Variants in CA8 observed in about 807,000 individuals in gnomAD.
The protein encoded by CA8 is carbonic anhydrase 8 (inactive).
Under a neutral mutation model 41.4 loss-of-function variants are expected in CA8, and 22 were observed. That is an observed-to-expected ratio of 0.53 (90% confidence interval 0.38 to 0.76). The LOEUF (loss-of-function observed/expected upper bound fraction) is 0.76, where lower values mean the gene tolerates loss of function less well. Ranked by LOEUF, CA8 falls within the 30% of genes least tolerant of loss-of-function variation. The pLI, the probability that CA8 is intolerant of heterozygous loss-of-function variation, is 0.00. For missense variants in CA8, 270 were observed against 352.8 expected, an observed-to-expected ratio of 0.77 and a Z score of 1.88; for synonymous variants, 121 against 130.6, an observed-to-expected ratio of 0.93 and a Z score of 0.50.
chr8:60,217,665 C>T (rs901635804), intron 7 of CA8, among the ~76,000 whole-genome samples: 1 of 152,160 alleles, frequency 6.6e-6, no homozygotes, highest in Non-Finnish European at 1.5e-5. Flanking sequence ...GGCATCTTCT[C>T]CATGAAGGCT....
intron 3 of CA8, among the ~76,000 whole-genome samples, chr8:60,242,029 G>T (rs1007915333): frequency 3.3e-5 from 5 of 152,206 alleles, no homozygotes; most frequent in Admixed American, 2.0e-4. Context: ...AGCACCGACA[G>T]TATCTAGGGT....
At chr8:60,235,118 C>A (rs1239120110) in intron 3 of CA8, among the ~76,000 whole-genome samples, 2 of 152,224 alleles carry the variant, frequency 1.3e-5, no homozygotes, top group African/African-American at 4.8e-5. Context: ...GGGCTGTCAT[C>A]ACAAAGTGGC....
chr8:60,204,311 G>T (rs905356140), intron 8 of CA8, among the ~76,000 whole-genome samples: 13 of 152,108 alleles, frequency 8.5e-5, no homozygotes, highest in Admixed American at 3.9e-4. Flanking sequence ...GAAATCTACT[G>T]TATCTAGGGT....
chr8:60,259,565 A>G (rs1292663188), intron 3 of CA8, among the ~76,000 whole-genome samples: 1 of 152,202 alleles, frequency 6.6e-6, no homozygotes, highest in African/African-American at 2.4e-5. Flanking sequence ...GAGGGAATAC[A>G]GCTAAAAGAA....
chr8:60,223,425 T>C (rs746158598), intron 6 of CA8, among the ~76,000 whole-genome samples: 4 of 152,190 alleles, frequency 2.6e-5, no homozygotes, highest in Admixed American at 6.5e-5. Flanking sequence ...CCCAAGCAGC[T>C]GGGACTATGG....
At chr8:60,233,795 A>G (rs1414177306) in intron 3 of CA8, among the ~76,000 whole-genome samples, 2 of 151,110 alleles carry the variant, frequency 1.3e-5, no homozygotes, top group Non-Finnish European at 2.9e-5. Context: ...ATTTTGGGGC[A>G]TTTTTTTAAA....
chr8:60,280,791 G>A (rs1179606972), intron 1 of CA8, among the ~76,000 whole-genome samples: 3 of 152,272 alleles, frequency 2.0e-5, no homozygotes, highest in African/African-American at 7.2e-5. Context: ...ACCGCAGCAG[G>A]TGCGAACGCC....
intron 8 of CA8, among the ~76,000 whole-genome samples, chr8:60,198,941 A>G (rs560010805): frequency 1.3e-5 from 2 of 152,266 alleles, no homozygotes; most frequent in East Asian, 3.9e-4. Context: ...TTATTTAAAG[A>G]AAAGATGCCA....
At chr8:60,269,152 T>C (rs1325931811) in intron 2 of CA8, among the ~76,000 whole-genome samples, 1 of 152,236 alleles carries the variant, frequency 6.6e-6, no homozygotes, top group Non-Finnish European at 1.5e-5. Context: ...TGATTGTGTT[T>C]ATGGACTAAA....
At chr8:60,202,824 T>C (rs546001772) in intron 8 of CA8, among the ~76,000 whole-genome samples, 4 of 152,264 alleles carry the variant, frequency 2.6e-5, no homozygotes, top group African/African-American at 9.6e-5. Context: ...TTAAATAAAT[T>C]TGTGAAATGC....
chr8:60,215,065 C>A (rs11990909), intron 7 of CA8, among the ~76,000 whole-genome samples: 1 of 151,894 alleles, frequency 6.6e-6, no homozygotes, highest in Admixed American at 6.5e-5. Flanking sequence ...TGTGTACATA[C>A]GTATTTGCAC....
At chr8:60,237,965 G>A (rs1807890978) in intron 3 of CA8, among the ~76,000 whole-genome samples, 1 of 152,140 alleles carries the variant, frequency 6.6e-6, no homozygotes, top group Non-Finnish European at 1.5e-5. Flanking sequence ...TAAAAAATCG[G>A]ACCACAGGAA....
chr8:60,216,017 A>ATTTTTAAT (rs1205537109), intron 7 of CA8, among the ~76,000 whole-genome samples: 1 of 152,184 alleles, frequency 6.6e-6, no homozygotes, highest in Non-Finnish European at 1.5e-5. Flanking sequence ...TTAATGCAAA[A>ATTTTTAAT]TTTTTAATTT....
At chr8:60,232,571 C>A in intron 3 of CA8, 192 bp from the exon 4 acceptor site, 1 of 646,754 alleles carries the variant, frequency 1.5e-6, no homozygotes, top group South Asian at 1.7e-5. Flanking sequence ...TGAACAGAAG[C>A]AGTGCTTAGT....
chr8:60,223,893 C>T (rs767986634), intron 6 of CA8, among the ~76,000 whole-genome samples: 1 of 152,070 alleles, frequency 6.6e-6, no homozygotes, highest in Non-Finnish European at 1.5e-5. Flanking sequence ...TATACAACAA[C>T]CTTTAAATCA....
At chr8:60,190,283 A>C (rs1350616034) in intron 8 of CA8, among the ~76,000 whole-genome samples, 4 of 151,498 alleles carry the variant, frequency 2.6e-5, no homozygotes, top group Non-Finnish European at 4.4e-5. Flanking sequence ...TATGTATATC[A>C]TGTCAAATAA....
chr8:60,211,112 A>T (rs1479700237), intron 7 of CA8, among the ~76,000 whole-genome samples: 1 of 152,192 alleles, frequency 6.6e-6, no homozygotes, highest in East Asian at 1.9e-4. Flanking sequence ...CACCTCTTCA[A>T]ACCTCAGTTT....
intron 4 of CA8, among the ~76,000 whole-genome samples, chr8:60,229,207 A>G (rs1257049876): frequency 6.6e-6 from 1 of 150,728 alleles, no homozygotes; most frequent in South Asian, 2.1e-4. Flanking sequence ...CTTATCTTCC[A>G]CTGCACCCTC....
At chr8:60,244,818 A>G (rs931884173) in intron 3 of CA8, among the ~76,000 whole-genome samples, 7 of 152,220 alleles carry the variant, frequency 4.6e-5, no homozygotes, top group Admixed American at 1.3e-4. Context: ...AACACTGCTT[A>G]CTCAGGGTCT....
Sources: gnomAD v4.1 joint callset for allele counts (sites outside exome capture counted in the v4.1 genomes callset) on GRCh38, gnomAD v4.1.1 for gene constraint, MANE v1.5 for transcripts, NCBI Gene and HGNC (gene_info 2026-07-23, HGNC 2026-07-21) for gene names.